The following EFHD2 variants were observed in gnomAD, a reference collection of about 807,000 sequenced individuals.
EFHD2 encodes EF-hand domain-containing protein D2.
EFHD2 carries 12 observed loss-of-function variants against 20.3 expected under a neutral mutation model. That is an observed-to-expected ratio of 0.59 (90% CI 0.38 to 0.96). The LOEUF (loss-of-function observed/expected upper bound fraction) is 0.96. Ranked by LOEUF, EFHD2 falls within the 40% of genes least tolerant of loss-of-function variation. The probability of loss-of-function intolerance (pLI) is 0.00; values close to 1 mark genes in which losing one functional copy is unlikely to be tolerated. For missense variants in EFHD2, 250 were observed against 334.3 expected (o/e 0.75, Z 1.97); for synonymous variants, 131 against 143.9 (o/e 0.91, Z 0.64).
Position 15,410,268 on chromosome 1 carries a change from G to T in EFHD2, c.297G>T (p.Lys99Asn). 1 of 1,598,188 alleles carries T rather than the reference G, an allele frequency of 6.3e-7. No homozygotes were observed. Among genetic ancestry groups the T allele is most frequent in the Non-Finnish European group, 8.5e-7 (1 of 1,173,712 alleles). Reference sequence around the variant, plus strand: ...GGAAGCAGATCAAGGACATGGAGAAGATGTTCAAGCAGTAAGTGCCCGCGC... The same window carrying T: ...GGAAGCAGATCAAGGACATGGAGAATATGTTCAAGCAGTAAGTGCCCGCGC... ...FSRKQIKDMEKMFKQYDAGRD... is the reference protein window; with the variant it reads ...FSRKQIKDMENMFKQYDAGRD... Residue 99 changes from lysine to asparagine, a missense_variant, in exon 1 of 4, where the codon AAG (lysine) becomes AAT (asparagine). Lys to Asn is a moderately conservative substitution (Grantham distance 94, BLOSUM62 0). Transcript: ENST00000375980.
chr1:15,414,804 A>G (rs1221361690), intron 1 of EFHD2, among the ~76,000 whole-genome samples: 1 of 152,220 alleles, frequency 6.6e-6, no homozygotes, highest in East Asian at 1.9e-4. Flanking sequence ...GATAAATAAC[A>G]AAAAGGGAGA....
chr1:15,413,199 G>A lies in EFHD2; in HGVS notation c.308+2920G>A, dbSNP rs1248331114. Among the ~76,000 whole-genome samples, 1 of 152,148 alleles carries A rather than the reference G, an allele frequency of 6.6e-6. No homozygotes were observed. Among genetic ancestry groups the A allele is most frequent in the African/African-American group, 2.4e-5 (1 of 41,428 alleles). On this transcript the variant is annotated intron_variant, in intron 1 of 3. Coordinates refer to ENST00000375980, the MANE Select transcript of EFHD2 (RefSeq NM_024329.6). This position sits in a 1 kb window ranked among gnomAD's most constrained non-coding sequence, Gnocchi z 4.4. ...CATCAGAGCCAGGGCTCTGGGGAGA[G>A]CAGAGGGCAGAGAGGAGGGGAGCCT... is the stretch of plus-strand genomic sequence containing the variant.
chr1:15,416,266 G>A (rs1467753250), intron 1 of EFHD2, among the ~76,000 whole-genome samples: 2 of 152,172 alleles, frequency 1.3e-5, no homozygotes, highest in African/African-American at 2.4e-5. Context: ...GAGAGTCTAG[G>A]CTCCAGGACA....
Position 15,413,237 on chromosome 1 carries a change from A to G in EFHD2, c.308+2958A>G, listed in dbSNP as rs1416500951. On this transcript the variant is annotated intron_variant, in intron 1 of 3. Coordinates refer to ENST00000375980, the MANE Select transcript of EFHD2 (RefSeq NM_024329.6). This position sits in a 1 kb window ranked among gnomAD's most constrained non-coding sequence, Gnocchi z 4.4. ...AGGAGGGGAGCCTGCCCTCCTGGGA[A>G]GCCAGTCACTAGAGCAGGAGGCAGG... 6.6e-6 allele frequency among the ~76,000 whole-genome samples: 1 copy of G among 152,148 alleles called. No homozygotes were observed. Among genetic ancestry groups the G allele is most frequent in the Admixed American group, 6.5e-5 (1 of 15,284 alleles).
In EFHD2 at chr1:15,428,780, G is replaced by A. The variant is rs558740986; in HGVS notation, c.*56G>A. 34 of 1,547,990 alleles carry A rather than the reference G, an allele frequency of 2.2e-5. No homozygotes were observed. Among genetic ancestry groups the A allele is most frequent in the African/African-American group, 1.4e-4 (10 of 73,028 alleles). ...CCCCAGTGTGGTGGGCGAGGGTGGC[G>A]CATGGGAGGCCGAGCCTGAATCCTT... On this transcript the variant is annotated 3_prime_UTR_variant, in exon 4 of 4. Coordinates refer to ENST00000375980, the MANE Select transcript of EFHD2 (RefSeq NM_024329.6).
In EFHD2 at chr1:15,427,167, C is replaced by T; in HGVS notation, c.474C>T (p.Arg158=). The T allele has an allele frequency of 1.9e-6, 3 of 1,612,160 alleles. No individual in the cohort carries two copies. Among genetic ancestry groups the T allele is most frequent in the Non-Finnish European group, 2.5e-6 (3 of 1,179,288 alleles). Residue 158 remains arginine (R), a synonymous_variant, in exon 3 of 4, where the codon CGC becomes CGT. Transcript: ENST00000375980. The part of the protein sequence containing the change: ...LSFREFLLIF[R]KAAAGELQED... ...CGCTGCAGTTCCTCCTGATCTTCCG[C>T]AAGGCGGCGGCCGGGGAGCTTCAGG...
rs1282234453 is a variant in EFHD2 at position 15,428,741 on chromosome 1, C to A, written c.*17C>A. 1 of 1,562,680 alleles carries A rather than the reference C, an allele frequency of 6.4e-7. No homozygotes were observed. The highest frequency in any genetic ancestry group is 1.9e-5 in the Admixed American group (1 of 52,536). On this transcript the variant is annotated 3_prime_UTR_variant, in exon 4 of 4. Transcript: ENST00000375980. Reference sequence around the variant, plus strand: ...TTTAAGTAGCGGGGGCTGCAGCCGACCGCCCTGCTCCGGCCCCAGTGTGGT... The same window carrying A: ...TTTAAGTAGCGGGGGCTGCAGCCGAACGCCCTGCTCCGGCCCCAGTGTGGT...
chr1:15,428,505 TAAAG>T (rs1707910158), intron 3 of EFHD2, 84 bp from the exon 4 acceptor site: 2 of 1,460,504 alleles, frequency 1.4e-6, no homozygotes, highest in East Asian at 2.5e-5. Flanking sequence ...TCAGAAAAAT[TAAAG>T]AAAAAAGAAA....
intron 1 of EFHD2, among the ~76,000 whole-genome samples, chr1:15,418,743 G>T (rs1352354415): frequency 6.6e-6 from 1 of 152,228 alleles, no homozygotes; most frequent in East Asian, 1.9e-4. Flanking sequence ...GAATAAGATG[G>T]CCTCTAATAT....
chr1:15,410,419 G>A, intron 1 of EFHD2, 140 bp downstream of exon 1: 2 of 1,086,394 alleles, frequency 1.8e-6, no homozygotes, highest in Middle Eastern at 3.0e-4. Context: ...ACCGGGGTTG[G>A]GGACCCGGCG....
At position 15,426,177 on chromosome 1, in the gene EFHD2, G is replaced by T. The variant is rs557532387; in HGVS notation, c.456+159G>T. On this transcript the variant is annotated intron_variant, in intron 2 of 3. Transcript: ENST00000375980. This position sits in a 1 kb window ranked among gnomAD's most constrained non-coding sequence, Gnocchi z 4.6. ...CTGCTTGGCTGAGTGAGGCTTCAGA[G>T]GGCCTGTTACAGCAGGCACCAGGGA... Among the ~76,000 whole-genome samples, 11 of 152,272 alleles carry T rather than the reference G, an allele frequency of 7.2e-5. 1 individual carries two copies. Among genetic ancestry groups the T allele is most frequent in the African/African-American group, 2.6e-4 (11 of 41,554 alleles).
At chr1:15,411,860 G>GGGTTAGGGTTAGGGTT (rs1707528645) in intron 1 of EFHD2, among the ~76,000 whole-genome samples, 1 of 152,280 alleles carries the variant, frequency 6.6e-6, no homozygotes, top group South Asian at 2.1e-4. Flanking sequence ...CCAGGAAGGG[G>GGGTTAGGGTTAGGGTT]CGTTTTGCAA....
Position 15,427,480 on chromosome 1 carries a change from C to T in EFHD2, c.591+196C>T, listed in dbSNP as rs571160898. On this transcript the variant is annotated intron_variant, in intron 3 of 3. Coordinates refer to ENST00000375980, the MANE Select transcript of EFHD2 (RefSeq NM_024329.6). ...ACTCCTGGCTGAGATCCTTGGCAGCCGCCAAGGGGGTGGGTGAGGGGGGTG... is the reference window on the plus strand; with the variant it reads ...ACTCCTGGCTGAGATCCTTGGCAGCTGCCAAGGGGGTGGGTGAGGGGGGTG... Among the ~76,000 whole-genome samples the T allele has an allele frequency of 2.2e-3, 332 of 152,296 alleles. 2 individuals carry two copies. The highest frequency in any genetic ancestry group is 0.02 in the Middle Eastern group (6 of 294).
chr1:15,411,725 C>T (rs1707522555), intron 1 of EFHD2, among the ~76,000 whole-genome samples: 1 of 152,184 alleles, frequency 6.6e-6, no homozygotes, highest in Admixed American at 6.5e-5. Flanking sequence ...GCACAGGCAG[C>T]CCAGGGCTGA....
chr1:15,425,816 T>C, intron 1 of EFHD2, 55 bp from the exon 2 acceptor site: 1 of 1,580,730 alleles, frequency 6.3e-7, no homozygotes, highest in South Asian at 1.2e-5. Context: ...CACTCAAGCC[T>C]GCGGCCTCTC....
chr1:15,427,775 C>G (rs1398166264), intron 3 of EFHD2: 1 of 387,286 alleles, frequency 2.6e-6, no homozygotes, highest in African/African-American at 2.1e-5. Context: ...GTCCTGCCCA[C>G]CCGGGGCCCC....
chr1:15,427,636 A>G (rs936100538), intron 3 of EFHD2, among the ~76,000 whole-genome samples: 1 of 152,196 alleles, frequency 6.6e-6, no homozygotes, highest in Non-Finnish European at 1.5e-5. Context: ...GGTCCCCGGT[A>G]GACACCAATC....
Position 15,410,124 on chromosome 1 carries a change from G to C in EFHD2, c.153G>C (p.Ala51=), listed in dbSNP as rs1307206028. ...AGGCGGCCGAGGCGCTGGGCAGCGCGGACTGCGAGCTGAGCGCCAAGCTGC... is the reference window on the plus strand; with the variant it reads ...AGGCGGCCGAGGCGCTGGGCAGCGCCGACTGCGAGCTGAGCGCCAAGCTGC... The part of the protein sequence containing the change: ...PDEAAEALGS[A]DCELSAKLLR... The change falls in exon 1 of 4, where the codon GCG becomes GCC. Residue 51 remains alanine (A), a synonymous_variant. Coordinates refer to ENST00000375980, the MANE Select transcript of EFHD2 (RefSeq NM_024329.6). 1.9e-6 allele frequency: 3 copies of C among 1,575,526 alleles called. No homozygotes were observed. The African/African-American group carries it at 4.2e-5, about 22-fold the overall frequency.
At chr1:15,410,391 T>C (rs1190909915) in intron 1 of EFHD2, 112 bp downstream of exon 1, 4 of 1,313,720 alleles carry the variant, frequency 3.0e-6, no homozygotes, top group Non-Finnish European at 4.1e-6. Flanking sequence ...TCAGCCAAGC[T>C]TCCCCGAACC....
Sources: gnomAD v4.1 joint callset for allele counts (sites outside exome capture counted in the v4.1 genomes callset) on GRCh38, gnomAD v4.1.1 for gene constraint, Gnocchi (gnomAD v3.1) non-coding constraint, MANE v1.5 for transcripts, NCBI Gene and HGNC (gene_info 2026-07-23, HGNC 2026-07-21) for gene names.